CENPC: variants seen among roughly 807,000 people sequenced by gnomAD.
CENPC encodes centromere protein C.
In CENPC, 63 loss-of-function variants were observed where a neutral mutation model predicts 112.1. The ratio of observed to expected loss-of-function variants is 0.56; its 90% CI spans 0.46 to 0.69. The LOEUF is 0.69. Ranked by LOEUF, CENPC falls within the 30% of genes least tolerant of loss-of-function variation. CENPC has a pLI of 0.00. For missense variants in CENPC, 1,000 were observed against 1,103.8 expected, an observed-to-expected ratio of 0.91 and a Z score of 1.33; for synonymous variants, 333 against 367.6, an observed-to-expected ratio of 0.91 and a Z score of 1.08.
In CENPC at chr4:67,472,676, C is replaced by T; in HGVS notation, c.2762-1G>A. ...AGATTTTTGATGTTATAATAGTTAC[C>T]TAAAAGTAAAGTGATAAGAAAATAA... On this transcript the variant is annotated splice_acceptor_variant, in intron 18 of 18. Coordinates refer to ENST00000273853, the MANE Select transcript of CENPC (RefSeq NM_001812.4). LOFTEE classifies it high-confidence loss of function. 1 of 1,497,998 alleles carries T rather than the reference C, an allele frequency of 6.7e-7. No homozygotes were observed. 92.8% of individuals were successfully genotyped at this position (1,497,998 alleles called of 1,614,324 possible). A position where few individuals can be genotyped will look rare whatever the true frequency, so the allele number is the denominator to read the frequency against.
chr4:67,498,157 C>T (rs1166064308), intron 12 of CENPC, among the ~76,000 whole-genome samples: 1 of 152,008 alleles, frequency 6.6e-6, no homozygotes, highest in Non-Finnish European at 1.5e-5. Context: ...TCGCTTGAAC[C>T]CAGGAGGTAA....
intron 12 of CENPC, among the ~76,000 whole-genome samples, chr4:67,502,273 A>G (rs1725611086): frequency 2.0e-5 from 3 of 152,290 alleles, no homozygotes; most frequent in South Asian, 4.1e-4. Flanking sequence ...TCTGTTGACA[A>G]TAAGTGTATA....
In CENPC at chr4:67,514,315, T is replaced by A; in HGVS notation, c.1203A>T (p.Glu401Asp). 2.5e-6 allele frequency: 4 copies of A among 1,610,602 alleles called. No homozygotes were observed. The highest frequency in any genetic ancestry group is 3.4e-6 in the Non-Finnish European group (4 of 1,177,894). Reference sequence around the variant, plus strand: ...GTTTTTCTGCATTCTTGGAATACATTTCATATTTTGTAGATCTATAATTAT... The same window carrying A: ...GTTTTTCTGCATTCTTGGAATACATATCATATTTTGTAGATCTATAATTAT... Reference protein sequence around the residue: ...TVNNYRSTKYEMYSKNAEKPS... With the variant: ...TVNNYRSTKYDMYSKNAEKPS... The change falls in exon 8 of 19, where the codon GAA becomes GAT. Residue 401 changes from glutamate to aspartate, a missense_variant. Physicochemically the swap from Glu to Asp is conservative, Grantham distance 45. Transcript: ENST00000273853.
intron 4 of CENPC, among the ~76,000 whole-genome samples, chr4:67,534,694 T>C (rs1483477023): frequency 6.6e-6 from 1 of 152,194 alleles, no homozygotes; most frequent in East Asian, 1.9e-4. Context: ...AAAAGAAATC[T>C]ACAGATATTA....
At chr4:67,529,063 GA>G (rs1182867553) in intron 5 of CENPC, among the ~76,000 whole-genome samples, 1 of 152,126 alleles carries the variant, frequency 6.6e-6, no homozygotes, top group Non-Finnish European at 1.5e-5. Context: ...ATTCTCTAAT[GA>G]CTGAAGATTT....
intron 9 of CENPC, among the ~76,000 whole-genome samples, chr4:67,511,280 G>A (rs1274288294): frequency 6.6e-6 from 1 of 152,132 alleles, no homozygotes; most frequent in African/African-American, 2.4e-5. Flanking sequence ...GAATCTCAAT[G>A]ATTTAATAAT....
chr4:67,517,241 A>G (rs1028251548), intron 7 of CENPC, among the ~76,000 whole-genome samples: 16 of 151,772 alleles, frequency 1.1e-4, no homozygotes, highest in Admixed American at 5.2e-4. Flanking sequence ...GACTCACTGC[A>G]ACCTCCACCT....
chr4:67,520,197 C>T (rs1437564532), intron 5 of CENPC, among the ~76,000 whole-genome samples: 1 of 152,130 alleles, frequency 6.6e-6, no homozygotes, highest in East Asian at 1.9e-4. Flanking sequence ...GCACTCTCGG[C>T]CATGGAGCAC....
rs1431082850 is a variant in CENPC at position 67,544,344 on chromosome 4, A to C, written c.19-149T>G. 5.0e-6 allele frequency: 3 copies of C among 594,492 alleles called. No homozygotes were observed. In the Admixed American group the frequency reaches 9.0e-5, roughly 18 times the overall value. The allele number at this position is 594,492 out of a possible 1,614,324, so 36.8% of individuals were successfully genotyped here. A position where few individuals can be genotyped will look rare whatever the true frequency, so the allele number is the denominator to read the frequency against. On this transcript the variant is annotated intron_variant, in intron 1 of 18. Coordinates refer to ENST00000273853, the MANE Select transcript of CENPC (RefSeq NM_001812.4). ...AATTTTGAGGTTATGTTATGACATA[A>C]CATAGGTTATGACAGGCATTTAAAA... is the stretch of plus-strand genomic sequence containing the variant.
chr4:67,507,632 T>G (rs1725773493), intron 10 of CENPC, among the ~76,000 whole-genome samples: 1 of 151,996 alleles, frequency 6.6e-6, no homozygotes, highest in South Asian at 2.1e-4. Flanking sequence ...ATAGAAAAGC[T>G]CAGGCACAGG....
chr4:67,504,614 G>GT (rs926136357), intron 12 of CENPC, among the ~76,000 whole-genome samples: 13 of 152,130 alleles, frequency 8.5e-5, no homozygotes, highest in Admixed American at 8.5e-4. Context: ...AAGGTCAGGA[G>GT]TTTAAGACCA....
At chr4:67,475,386 T>C (rs1349090671) in intron 17 of CENPC, among the ~76,000 whole-genome samples, 1 of 152,148 alleles carries the variant, frequency 6.6e-6, no homozygotes, top group African/African-American at 2.4e-5. Context: ...AGTGAGGAAA[T>C]GGGAACCTCA....
chr4:67,530,570 AAAAG>A (rs773041078), intron 5 of CENPC, among the ~76,000 whole-genome samples: 3 of 152,200 alleles, frequency 2.0e-5, no homozygotes, highest in Non-Finnish European at 4.4e-5. Context: ...CTGAAAAATA[AAAAG>A]AAAGAAAACT....
intron 5 of CENPC, among the ~76,000 whole-genome samples, chr4:67,527,224 C>G (rs118053392): frequency 2.6e-5 from 4 of 152,038 alleles, no homozygotes; most frequent in African/African-American, 9.7e-5. Flanking sequence ...GGAAATTTTA[C>G]GCAAGGCTGG....
chr4:67,531,367 T>A (rs574160852), intron 4 of CENPC, among the ~76,000 whole-genome samples: 7 of 152,198 alleles, frequency 4.6e-5, no homozygotes, highest in Non-Finnish European at 7.3e-5. Context: ...AGTATTGAGA[T>A]TCACTCTGCA....
At chr4:67,476,358 G>T (rs1032942427) in intron 17 of CENPC, among the ~76,000 whole-genome samples, 4 of 152,198 alleles carry the variant, frequency 2.6e-5, no homozygotes, top group East Asian at 1.9e-4. Context: ...TGAAAGGGGG[G>T]AAAGTCTGCC....
At chr4:67,525,158 C>A (rs573091229) in intron 5 of CENPC, among the ~76,000 whole-genome samples, 1 of 152,244 alleles carries the variant, frequency 6.6e-6, no homozygotes, top group Admixed American at 6.5e-5. Flanking sequence ...CTTCCTTACA[C>A]CTTATACAAA....
chr4:67,539,111 AG>A (rs971755621), intron 4 of CENPC, among the ~76,000 whole-genome samples: 7 of 152,336 alleles, frequency 4.6e-5, no homozygotes, highest in African/African-American at 1.7e-4. Flanking sequence ...AATCAAAAAA[AG>A]TTAATACTTT....
At chr4:67,486,469 T>C (rs1020187703) in intron 17 of CENPC, among the ~76,000 whole-genome samples, 2 of 152,262 alleles carry the variant, frequency 1.3e-5, no homozygotes, top group African/African-American at 4.8e-5. Context: ...AGGATTTCTT[T>C]GAATCAGGAT....
Sources: allele counts gnomAD v4.1 joint callset (sites outside exome capture counted in the v4.1 genomes callset), GRCh38; gene constraint gnomAD v4.1.1; transcripts MANE v1.5; gene names NCBI Gene and HGNC (gene_info 2026-07-23, HGNC 2026-07-21).